LRRC71: variants seen among roughly 807,000 people sequenced by gnomAD.
LRRC71 encodes leucine rich repeat containing 71.
A neutral mutation model predicts 66.6 loss-of-function variants in LRRC71; 54 were observed. The observed-to-expected ratio is 0.81, with a 90% confidence interval of 0.65 to 1.02. LRRC71 has a LOEUF of 1.02. Ranked by LOEUF, LRRC71 falls within the 50% of genes least tolerant of loss-of-function variation. The pLI, the probability that LRRC71 is intolerant of heterozygous loss-of-function variation, is 0.00. For synonymous variants in LRRC71, 323 were observed against 303.9 expected, an observed-to-expected ratio of 1.06 and a Z score of -0.65; for missense variants, 724 against 718.0, an observed-to-expected ratio of 1.01 and a Z score of -0.10.
Position 156,920,849 on chromosome 1 carries a change from C to T in LRRC71, c.46C>T (p.Arg16Cys). 1 of 1,537,374 alleles carries T rather than the reference C, an allele frequency of 6.5e-7. No individual in the cohort carries two copies. Among genetic ancestry groups the T allele is most frequent in the Non-Finnish European group, 8.8e-7 (1 of 1,140,464 alleles). ...GCCGGGGGCCTCACCCAGGGCCCCG[C>T]GTCCGGGGACCCAGAAGTCTTCTGG... ...SAPGASPRAPRPGTQKSSGAV... is the reference protein window; with the variant it reads ...SAPGASPRAPCPGTQKSSGAV... The change falls in exon 1 of 15, where the codon CGT (arginine) becomes TGT (cysteine). Residue 16 changes from arginine (R) to cysteine (C), a missense_variant. Physicochemically the swap from Arg to Cys is radical, Grantham distance 180 (BLOSUM62 -3). Transcript: ENST00000337428. This position sits in a 1 kb window ranked among gnomAD's most constrained non-coding sequence, Gnocchi z 4.9.
chr1:156,921,524 G>A, intron 1 of LRRC71: 1 of 543,372 alleles, frequency 1.8e-6, no homozygotes, highest in Non-Finnish European at 2.3e-6. Context: ...AGAACTTGCT[G>A]TCTCTGGAAT....
the LRRC71 span, chr1:156,939,651 C>T: frequency 6.2e-7 from 1 of 1,613,954 alleles, no homozygotes. Flanking sequence ...AATTTCTGGT[C>T]CTTGGGGGTA....
chr1:156,932,726 A>T (rs1487744688), intron 14 of LRRC71, 127 bp from the exon 15 acceptor site: 27 of 1,514,452 alleles, frequency 1.8e-5, no homozygotes, highest in Non-Finnish European at 2.5e-5. Context: ...AGCAGTATTA[A>T]TCACTCTGCT....
Position 156,929,705 on chromosome 1 carries a change from G to A in LRRC71, c.1216G>A (p.Asp406Asn). Reference sequence around the variant, plus strand: ...CACACAAGGAACCCCTAAGAAGGAAGATGCCACAAAGGCAGGCAAGGGGAG... The same window carrying A: ...CACACAAGGAACCCCTAAGAAGGAAAATGCCACAAAGGCAGGCAAGGGGAG... ...SPTQGTPKKE[D>N]ATKAGKGKVT... Residue 406 changes from aspartate to asparagine, a missense_variant, in exon 11 of 15, where the codon GAT becomes AAT. Physicochemically the swap from Asp to Asn is conservative, Grantham distance 23 (BLOSUM62 1). Transcript: ENST00000337428. 6.4e-7 allele frequency: 1 copy of A among 1,573,304 alleles called. No individual in the cohort carries two copies. The highest frequency in any genetic ancestry group is 1.2e-5 in the South Asian group (1 of 85,352).
At chr1:156,933,680 A>G (rs937909959), downstream of LRRC71, among the ~76,000 whole-genome samples, 8 of 152,210 alleles carry the variant, frequency 5.3e-5, no homozygotes, top group Non-Finnish European at 1.0e-4. Context: ...CAGGGTCCCC[A>G]AACCTTTACC....
intron 5 of LRRC71, among the ~76,000 whole-genome samples, chr1:156,926,437 A>C (rs1278763628): frequency 6.6e-6 from 1 of 152,162 alleles, no homozygotes; most frequent in Non-Finnish European, 1.5e-5. Flanking sequence ...GCAGCTGGCC[A>C]GCTGAGAGAG....
At chr1:156,936,828 A>G, downstream of LRRC71, 1 of 1,613,622 alleles carries the variant, frequency 6.2e-7, no homozygotes, top group East Asian at 2.2e-5. Flanking sequence ...TCCTCAGGGC[A>G]GGGCCCCAGT....
At chr1:156,937,265 T>A, downstream of LRRC71, 1 of 1,613,884 alleles carries the variant, frequency 6.2e-7, no homozygotes, top group Non-Finnish European at 8.5e-7. Context: ...CCTGTTGAGC[T>A]TGAGAGTGAG....
At position 156,920,785 on chromosome 1, in the gene LRRC71, C is replaced by G; in HGVS notation, c.-19C>G. The G allele has an allele frequency of 6.7e-7, 1 of 1,494,356 alleles. No homozygotes were observed. The highest frequency in any genetic ancestry group is 8.9e-7 in the Non-Finnish European group (1 of 1,117,726). The allele number at this position is 1,494,356 out of a possible 1,614,324, so 92.6% of individuals were successfully genotyped here. On this transcript the variant is annotated 5_prime_UTR_variant, in exon 1 of 15. Transcript: ENST00000337428. The surrounding 1 kb of genome is among the most constrained non-coding windows in gnomAD (Gnocchi z 4.9). Reference sequence around the variant, plus strand: ...CCTGCCCCGACGAAGGTCCCAGAGACGCTGCGGACAACACCAGCATGTCGA... The same window carrying G: ...CCTGCCCCGACGAAGGTCCCAGAGAGGCTGCGGACAACACCAGCATGTCGA...
Position 156,932,424 on chromosome 1 carries a change from G to C in LRRC71, c.1442G>C (p.Arg481Pro), listed in dbSNP as rs1488811189. 6.2e-7 allele frequency: 1 copy of C among 1,612,428 alleles called. No homozygotes were observed. The highest frequency in any genetic ancestry group is 1.1e-5 in the South Asian group (1 of 90,986). Residue 481 changes from arginine (R) to proline (P), a missense_variant and splice_region_variant, in exon 14 of 15, where the codon CGG becomes CCG. Arg to Pro is a moderately radical substitution (Grantham distance 103). Transcript: ENST00000337428. ...GCCACCTGTCTGTAACTTCCACCAGGGAACCGCATCACAGAGGTGGGGCTG... is the reference window on the plus strand; with the variant it reads ...GCCACCTGTCTGTAACTTCCACCAGCGAACCGCATCACAGAGGTGGGGCTG... ...NKVLLHLNLI[R>P]NRITEVGLEG...
chr1:156,938,301 G>A, the LRRC71 span: 3 of 901,996 alleles, frequency 3.3e-6, no homozygotes, highest in Non-Finnish European at 5.0e-6. Context: ...CCCCATTCCA[G>A]GCAGCTGAGG....
chr1:156,927,420 C>G, intron 6 of LRRC71, 76 bp from the exon 7 acceptor site: 1 of 1,515,586 alleles, frequency 6.6e-7, no homozygotes, highest in Non-Finnish European at 8.8e-7. Context: ...CCCCCTCAAG[C>G]GCTCAAGTCT....
rs149409742 is a variant in LRRC71 at position 156,926,703 on chromosome 1, T to A, written c.594-499T>A. 8.4e-3 allele frequency among the ~76,000 whole-genome samples: 1,285 copies of A among 152,146 alleles called. 19 individuals are homozygous for A. The highest frequency in any genetic ancestry group is 0.028 in the African/African-American group (1,162 of 41,506). On this transcript the variant is annotated intron_variant, in intron 5 of 14. Coordinates refer to ENST00000337428, the MANE Select transcript of LRRC71 (RefSeq NM_144702.3). ...GATTCTTCTGCCTCAGCCTCCCAAGTAGCTGGGATTACAGGTGCACGCCAC... is the reference window on the plus strand; with the variant it reads ...GATTCTTCTGCCTCAGCCTCCCAAGAAGCTGGGATTACAGGTGCACGCCAC...
At chr1:156,930,026 T>TTTTTTC (rs1214185346) in intron 11 of LRRC71, among the ~76,000 whole-genome samples, 4 of 117,764 alleles carry the variant, frequency 3.4e-5, no homozygotes, top group South Asian at 2.6e-4. Flanking sequence ...TTTTCTTTTC[T>TTTTTTC]TTTCTTTTTC....
chr1:156,936,337 C>T (rs530027232), downstream of LRRC71: 6 of 580,130 alleles, frequency 1.0e-5, no homozygotes, highest in Admixed American at 1.3e-4. Context: ...ATCATTTAAT[C>T]AGCACGAGTC....
Position 156,920,669 on chromosome 1 carries a change from G to C in LRRC71, c.-135G>C. 1 of 1,127,920 alleles carries C rather than the reference G, an allele frequency of 8.9e-7. No individual in the cohort carries two copies. 69.9% of individuals were successfully genotyped at this position (1,127,920 alleles called of 1,614,324 possible). A position where few individuals can be genotyped will look rare whatever the true frequency, so the allele number is the denominator to read the frequency against. On this transcript the variant is annotated 5_prime_UTR_variant, in exon 1 of 15. Transcript: ENST00000337428. This position sits in a 1 kb window ranked among gnomAD's most constrained non-coding sequence, Gnocchi z 4.9. The stretch of plus-strand genomic sequence containing the variant: ...AGGGACGCGTAGGCTACGCCACCGC[G>C]GACGGGTCGGATCCGGTCCCTGGAC...
chr1:156,924,680 T>C lies in LRRC71; in HGVS notation c.477T>C (p.Ser159=), dbSNP rs1018909175. 20 of 1,551,320 alleles carry C rather than the reference T, an allele frequency of 1.3e-5. No individual in the cohort carries two copies. The highest frequency in any genetic ancestry group is 4.8e-5 in the South Asian group (4 of 84,046). ...AGGAACGGATTCTGGGTGTCTTCTC[T>C]AAATGTCTGCCCCCGCTTACCCAGC... ...KVEERILGVF[S]KCLPPLTQLQ... Residue 159 remains serine, a synonymous_variant, in exon 4 of 15, where the codon TCT becomes TCC. Coordinates refer to ENST00000337428, the MANE Select transcript of LRRC71 (RefSeq NM_144702.3).
At chr1:156,930,052 T>TTC in intron 11 of LRRC71, among the ~76,000 whole-genome samples, 1 of 130,858 alleles carries the variant, frequency 7.6e-6, no homozygotes, top group South Asian at 2.6e-4. Flanking sequence ...TTCTCTTTCT[T>TTC]TCTTTCTTTT....
At position 156,929,339 on chromosome 1, in the gene LRRC71, G is replaced by C; in HGVS notation, c.1056G>C (p.Gly352=). The change falls in exon 10 of 15, where the codon GGG becomes GGC. Residue 352 remains glycine, a synonymous_variant. Transcript: ENST00000337428. ...ACCGTGAGAAGAGTCAGATGGTAGGGATCAGCAATAGTGCATTGGTGGACA... is the reference window on the plus strand; with the variant it reads ...ACCGTGAGAAGAGTCAGATGGTAGGCATCAGCAATAGTGCATTGGTGGACA... ...KTDREKSQMV[G]ISNSALVDKT... is the part of the protein sequence containing the mutation. 6.2e-7 allele frequency: 1 copy of C among 1,613,192 alleles called. No homozygotes were observed. The highest frequency in any genetic ancestry group is 8.5e-7 in the Non-Finnish European group (1 of 1,179,516).
Sources: allele counts gnomAD v4.1 joint callset (sites outside exome capture counted in the v4.1 genomes callset), GRCh38; gene constraint gnomAD v4.1.1; non-coding constraint Gnocchi (gnomAD v3.1); transcripts MANE v1.5; gene names NCBI Gene and HGNC (gene_info 2026-07-23, HGNC 2026-07-21).